Variants in MET observed in about 807,000 individuals in gnomAD.
MET encodes MET proto-oncogene, receptor tyrosine kinase, also known as hepatocyte growth factor receptor.
MET carries 48 observed loss-of-function variants against 133.1 expected under a neutral mutation model. That is an observed-to-expected ratio of 0.36 (90% CI 0.29 to 0.46). The LOEUF (loss-of-function observed/expected upper bound fraction) is 0.46. MET is among the 20% of genes least tolerant of loss of function. The pLI is 1.00. For synonymous variants in MET, 628 were observed against 616.5 expected (o/e 1.02, Z -0.28); for missense variants, 1,442 against 1,695.9 (o/e 0.85, Z 2.63).
intron 1 of MET, among the ~76,000 whole-genome samples, chr7:116,673,065 C>A (rs1201402460): frequency 6.6e-6 from 1 of 152,092 alleles, no homozygotes; most frequent in Non-Finnish European, 1.5e-5. Flanking sequence ...GGCTTGTGAT[C>A]CATCAATTTT....
rs2116921189 is a variant in MET, at chr7:116,757,526, C to T, written c.1952C>T (p.Thr651Ile). ...GGCCACGGGACAACACAATACAGTA[C>T]ATTCTCCTATGTGGTAAGGAAGATT... ...SNGHGTTQYS[T>I]FSYVDPVITS... Residue 651 changes from threonine to isoleucine, a missense_variant, in exon 7 of 21, where the codon ACA becomes ATA. Thr to Ile is a moderately conservative substitution (Grantham distance 89, BLOSUM62 -1). Coordinates refer to ENST00000397752, the MANE Select transcript of MET (RefSeq NM_000245.4). 3 of 1,613,428 alleles carry T rather than the reference C, an allele frequency of 1.9e-6. No individual in the cohort carries two copies. Among genetic ancestry groups the T allele is most frequent in the African/African-American group, 1.3e-5 (1 of 75,034 alleles).
At chr7:116,732,021 C>T (rs1793031371) in intron 3 of MET, 162 bp downstream of exon 3, 2 of 710,424 alleles carry the variant, frequency 2.8e-6, no homozygotes, top group Admixed American at 2.3e-5. Flanking sequence ...GGTCTACTTT[C>T]TGTTAAATGT....
intron 15 of MET, 78 bp downstream of exon 15, chr7:116,775,189 A>C: frequency 7.4e-7 from 1 of 1,357,484 alleles, no homozygotes; most frequent in Non-Finnish European, 1.0e-6. Context: ...CAGATTAGGA[A>C]CTTAGACAAT....
chr7:116,792,093 T>TC (rs928910154), intron 19 of MET, among the ~76,000 whole-genome samples: 6 of 152,102 alleles, frequency 3.9e-5, no homozygotes, highest in Non-Finnish European at 5.9e-5. Context: ...TTATTTTTTT[T>TC]CTTTTATCAA....
chr7:116,759,312 A>G lies in MET; in HGVS notation c.2265-79A>G, dbSNP rs766611865. 9.0e-6 allele frequency: 14 copies of G among 1,561,180 alleles called. No individual in the cohort carries two copies. In the African/African-American group the frequency reaches 1.8e-4, roughly 20 times the overall value. Reference sequence around the variant, plus strand: ...CTCTGACCTGTAATCAGTGCAGGTGATTAAATTGAATCCCTCTCTTACAGT... The same window carrying G: ...CTCTGACCTGTAATCAGTGCAGGTGGTTAAATTGAATCCCTCTCTTACAGT... On this transcript the variant is annotated intron_variant, in intron 9 of 20. Transcript: ENST00000397752.
chr7:116,717,489 T>C (rs759644071), intron 2 of MET, among the ~76,000 whole-genome samples: 5 of 152,206 alleles, frequency 3.3e-5, no homozygotes, highest in Non-Finnish European at 7.3e-5. Flanking sequence ...TATGAAAAGC[T>C]CTAGACAAAG....
At chr7:116,747,599 A>G (rs138528479) in intron 5 of MET, among the ~76,000 whole-genome samples, 1 of 152,358 alleles carries the variant, frequency 6.6e-6, no homozygotes, top group Non-Finnish European at 1.5e-5. Context: ...ATATGCTCCC[A>G]ATACAGGAAC....
At chr7:116,720,777 C>A (rs1421718195) in intron 2 of MET, among the ~76,000 whole-genome samples, 2 of 127,972 alleles carry the variant, frequency 1.6e-5, no homozygotes, top group Non-Finnish European at 3.3e-5. Context: ...TGTTTATATG[C>A]TGGATTACAT....
At chr7:116,683,042 C>T (rs940380581) in intron 1 of MET, among the ~76,000 whole-genome samples, 1 of 152,292 alleles carries the variant, frequency 6.6e-6, no homozygotes, top group Non-Finnish European at 1.5e-5. Flanking sequence ...ACAACTCTTC[C>T]CGTGTTTAAA....
At chr7:116,765,366 T>C (rs1190322356) in intron 11 of MET, among the ~76,000 whole-genome samples, 1 of 151,192 alleles carries the variant, frequency 6.6e-6, no homozygotes, top group East Asian at 1.9e-4. Flanking sequence ...GAATGAGATA[T>C]GCTCTTTATT....
chr7:116,758,515 T>A lies in MET; in HGVS notation c.2159T>A (p.Phe720Tyr), dbSNP rs2116931016. ...CCAGCCCAAACCATTTCAACTGAGT[T>A]TGCTGTTAAATTGAAAATTGACTTA... ...YTPAQTISTE[F>Y]AVKLKIDLAN... The change falls in exon 9 of 21, where the codon TTT becomes TAT. Residue 720 changes from phenylalanine to tyrosine, a missense_variant. Coordinates refer to ENST00000397752, the MANE Select transcript of MET (RefSeq NM_000245.4). 6.2e-7 allele frequency: 1 copy of A among 1,613,938 alleles called. No homozygotes were observed.
chr7:116,726,175 A>ACACACACACAC (rs1792775567), intron 2 of MET, among the ~76,000 whole-genome samples: 2 of 127,782 alleles, frequency 1.6e-5, no homozygotes, highest in African/African-American at 5.9e-5. Context: ...ATATATATAT[A>ACACACACACAC]TATGGGATAT....
At chr7:116,779,896 A>G (rs1245405703) in intron 17 of MET, among the ~76,000 whole-genome samples, 2 of 152,166 alleles carry the variant, frequency 1.3e-5, no homozygotes, top group Non-Finnish European at 2.9e-5. Flanking sequence ...GTCTTGCTTT[A>G]TATTTCTATT....
chr7:116,720,491 T>G (rs1461473738), intron 2 of MET, among the ~76,000 whole-genome samples: 3 of 132,196 alleles, frequency 2.3e-5, no homozygotes, highest in Non-Finnish European at 3.1e-5. Context: ...TTCTCCTGCC[T>G]GATTGCCCTG....
At position 116,795,893 on chromosome 7, in the gene MET, A is replaced by T. The variant is rs2117110469; in HGVS notation, c.3942A>T (p.Glu1314Asp). 1 of 1,614,210 alleles carries T rather than the reference A, an allele frequency of 6.2e-7. No individual in the cohort carries two copies. The highest frequency in any genetic ancestry group is 8.5e-7 in the Non-Finnish European group (1 of 1,180,030). The change falls in exon 21 of 21, where the codon GAA (glutamate) becomes GAT (aspartate). Residue 1314 changes from glutamate to aspartate, a missense_variant. Glu to Asp is a conservative substitution (Grantham distance 45). Transcript: ENST00000397752. ...QPEYCPDPLY[E>D]VMLKCWHPKA... is the part of the protein sequence containing the mutation. ...GTCTTTCTTTTTGGAACAGATATGAAGTAATGCTAAAATGCTGGCACCCTA... is the reference window on the plus strand; with the variant it reads ...GTCTTTCTTTTTGGAACAGATATGATGTAATGCTAAAATGCTGGCACCCTA...
chr7:116,684,933 G>A (rs553456683), intron 1 of MET, among the ~76,000 whole-genome samples: 69 of 152,322 alleles, frequency 4.5e-4, no homozygotes, highest in African/African-American at 1.5e-3. Context: ...AGCTGTTGTA[G>A]TAATCCAGGT....
At chr7:116,713,045 A>G (rs1792057328) in intron 2 of MET, among the ~76,000 whole-genome samples, 1 of 152,178 alleles carries the variant, frequency 6.6e-6, no homozygotes. Flanking sequence ...TTTGAAGTCC[A>G]CAGATTTTCA....
At chr7:116,771,701 A>T (rs372548129) in intron 13 of MET, 47 bp downstream of exon 13, 100 of 1,609,610 alleles carry the variant, frequency 6.2e-5, no homozygotes, top group Non-Finnish European at 8.0e-5. Context: ...TTAAGAACAC[A>T]GTCATTACAG....
At chr7:116,741,463 C>T (rs773860147) in intron 5 of MET, among the ~76,000 whole-genome samples, 7 of 152,188 alleles carry the variant, frequency 4.6e-5, no homozygotes, top group Non-Finnish European at 7.3e-5. Flanking sequence ...GCCTCCATCA[C>T]AGAAACAGAT....
Sources: allele counts gnomAD v4.1 joint callset (sites outside exome capture counted in the v4.1 genomes callset), GRCh38; gene constraint gnomAD v4.1.1; transcripts MANE v1.5; gene names NCBI Gene and HGNC (gene_info 2026-07-23, HGNC 2026-07-21).